Variants in CLMN observed in about 807,000 individuals in gnomAD.
The protein encoded by CLMN is calmin (calponin-like, transmembrane).
Under a neutral mutation model 92.7 loss-of-function variants are expected in CLMN, and 57 were observed. The ratio of observed to expected loss-of-function variants is 0.61; its 90% CI spans 0.50 to 0.77. CLMN has a LOEUF of 0.77. Ranked by LOEUF, CLMN falls within the 30% of genes least tolerant of loss-of-function variation. The pLI is 0.00. For missense variants in CLMN, 1,158 were observed against 1,237.5 expected (o/e 0.94, Z 0.96); for synonymous variants, 466 against 470.6 (o/e 0.99, Z 0.13).
At chr14:95,299,514 A>T (rs1374268223) in intron 1 of CLMN, among the ~76,000 whole-genome samples, 1 of 152,218 alleles carries the variant, frequency 6.6e-6, no homozygotes, top group Non-Finnish European at 1.5e-5. Context: ...CAGGAGGATG[A>T]GAGCAGGGCT....
At chr14:95,248,397 T>C (rs150863515) in intron 1 of CLMN, among the ~76,000 whole-genome samples, 571 of 152,318 alleles carry the variant, frequency 3.7e-3, no homozygotes, top group African/African-American at 0.013. Flanking sequence ...CTTGCAGCTG[T>C]GCTAACCAAG....
Position 95,259,743 on chromosome 14 carries a change from A to G in CLMN, c.83-29610T>C, listed in dbSNP as rs914830309. Among the ~76,000 whole-genome samples, 1 of 152,124 alleles carries G rather than the reference A, an allele frequency of 6.6e-6. No homozygotes were observed. The highest frequency in any genetic ancestry group is 2.4e-5 in the African/African-American group (1 of 41,418). On this transcript the variant is annotated intron_variant, in intron 1 of 12. Coordinates refer to ENST00000298912, the MANE Select transcript of CLMN (RefSeq NM_024734.4). This position sits in a 1 kb window ranked among gnomAD's most constrained non-coding sequence, Gnocchi z 4.3. ...CTGAGCACAAAAGTAATGACATGCA[A>G]ACTCAAAACCATGGCATGCATAACC...
intron 12 of CLMN, chr14:95,193,465 A>G (rs1427988045): frequency 1.1e-5 from 14 of 1,218,018 alleles, no homozygotes; most frequent in Non-Finnish European, 1.6e-5. Flanking sequence ...CAGCATTCAC[A>G]GGGGCCACAC....
rs548688636 is a variant in CLMN at position 95,187,929 on chromosome 14, C to T, written c.*3635G>A. The T allele has an allele frequency of 1.3e-5, 2 of 152,304 alleles. No individual in the cohort carries two copies. Among genetic ancestry groups the T allele is most frequent in the South Asian group, 4.1e-4 (2 of 4,826 alleles). 9.4% of individuals were successfully genotyped at this position (152,304 alleles called of 1,614,324 possible). A position where few individuals can be genotyped will look rare whatever the true frequency, so the allele number is the denominator to read the frequency against. On this transcript the variant is annotated 3_prime_UTR_variant, in exon 13 of 13. Coordinates refer to ENST00000298912, the MANE Select transcript of CLMN (RefSeq NM_024734.4). ...GCCAAGTGCTCATGGGGACTTCTGC[C>T]CAGATGGGACACCATTTTTGAAACC...
intron 1 of CLMN, among the ~76,000 whole-genome samples, chr14:95,314,507 G>T (rs1375739646): frequency 6.6e-6 from 1 of 152,020 alleles, no homozygotes; most frequent in Non-Finnish European, 1.5e-5. Flanking sequence ...CCTTCCCAGG[G>T]GTGGATTTGA....
intron 1 of CLMN, among the ~76,000 whole-genome samples, chr14:95,303,718 A>G (rs1471954491): frequency 6.6e-6 from 1 of 152,230 alleles, no homozygotes; most frequent in Non-Finnish European, 1.5e-5. Context: ...CAGACTTGGA[A>G]TCTCCAAAGC....
In CLMN at chr14:95,185,288, T is replaced by C. The variant is rs1296044122; in HGVS notation, c.*6276A>G. 1.3e-5 allele frequency: 2 copies of C among 152,168 alleles called. No individual in the cohort carries two copies. The highest frequency in any genetic ancestry group is 4.8e-5 in the African/African-American group (2 of 41,414). The allele number at this position is 152,168 out of a possible 1,614,324, so 9.4% of individuals were successfully genotyped here. ...TGCCTGATGAGAGCAAGGCGCAAGA[T>C]CTGTGGAGCTCAAGGGGATGCTTGT... On this transcript the variant is annotated 3_prime_UTR_variant, in exon 13 of 13. Coordinates refer to ENST00000298912, the MANE Select transcript of CLMN (RefSeq NM_024734.4).
chr14:95,251,839 T>C (rs776729565), intron 1 of CLMN, among the ~76,000 whole-genome samples: 2 of 152,178 alleles, frequency 1.3e-5, no homozygotes, highest in East Asian at 1.9e-4. Flanking sequence ...CTGAGACACA[T>C]TCCCTTCCTT....
intron 1 of CLMN, among the ~76,000 whole-genome samples, chr14:95,248,678 G>A (rs971679956): frequency 3.3e-5 from 5 of 152,122 alleles, no homozygotes; most frequent in African/African-American, 1.2e-4. Flanking sequence ...GCGTGCTTTT[G>A]GTGGTTATTT....
chr14:95,184,067 C>T lies in CLMN; in HGVS notation c.*7497G>A, dbSNP rs939099555. 6.6e-6 allele frequency: 1 copy of T among 152,112 alleles called. No individual in the cohort carries two copies. The highest frequency in any genetic ancestry group is 1.5e-5 in the Non-Finnish European group (1 of 68,002). 9.4% of individuals were successfully genotyped at this position (152,112 alleles called of 1,614,324 possible). The stretch of plus-strand genomic sequence containing the variant: ...GGGAAAGAGGTATAGTCAACGCTTG[C>T]TTCAAGAGGAAGGAAATAGAGAAAA... On this transcript the variant is annotated 3_prime_UTR_variant, in exon 13 of 13. Transcript: ENST00000298912.
At chr14:95,246,889 C>A (rs1898594368) in intron 1 of CLMN, among the ~76,000 whole-genome samples, 1 of 152,190 alleles carries the variant, frequency 6.6e-6, no homozygotes, top group African/African-American at 2.4e-5. Flanking sequence ...TTAGATCACT[C>A]ATTTCCCAGC....
At chr14:95,249,470 A>G (rs1898698014) in intron 1 of CLMN, among the ~76,000 whole-genome samples, 1 of 152,176 alleles carries the variant, frequency 6.6e-6, no homozygotes, top group African/African-American at 2.4e-5. Context: ...TGTATTGGAA[A>G]AGGGTATGTA....
rs1203592299 is a variant in CLMN, at chr14:95,221,733, C to T, written c.282G>A (p.Leu94=). ...ACTTAAGTGCTTTCGCTATGTTGTT[C>T]AACCGAAAAATACGATGCGACGAGG... The part of the protein sequence containing the change: ...YKSSSHRIFR[L]NNIAKALKFL... The change falls in exon 4 of 13, where the codon TTG becomes TTA. Residue 94 remains leucine, a synonymous_variant. Coordinates refer to ENST00000298912, the MANE Select transcript of CLMN (RefSeq NM_024734.4). 6.2e-7 allele frequency: 1 copy of T among 1,614,078 alleles called. No individual in the cohort carries two copies. Among genetic ancestry groups the T allele is most frequent in the Non-Finnish European group, 8.5e-7 (1 of 1,180,014 alleles).
At chr14:95,303,090 T>A (rs193145625) in intron 1 of CLMN, among the ~76,000 whole-genome samples, 8 of 152,352 alleles carry the variant, frequency 5.3e-5, no homozygotes, top group Non-Finnish European at 7.3e-5. Flanking sequence ...AAAGTCAGTA[T>A]CTGATAGAGG....
At chr14:95,273,177 C>A (rs1048252232) in intron 1 of CLMN, among the ~76,000 whole-genome samples, 2 of 152,176 alleles carry the variant, frequency 1.3e-5, no homozygotes, top group African/African-American at 4.8e-5. Context: ...ATGGAAAGGA[C>A]ATTCCAGAAA....
chr14:95,269,045 G>A (rs919839127), intron 1 of CLMN, among the ~76,000 whole-genome samples: 6 of 151,526 alleles, frequency 4.0e-5, no homozygotes, highest in African/African-American at 7.3e-5. Context: ...CTCGTGATCC[G>A]CCGCCTCAGC....
intron 1 of CLMN, among the ~76,000 whole-genome samples, chr14:95,285,226 T>C (rs138412495): frequency 6.6e-6 from 1 of 152,344 alleles, no homozygotes; most frequent in African/African-American, 2.4e-5. Flanking sequence ...TAAGTCCAAT[T>C]AAACTTCTTT....
intron 4 of CLMN, among the ~76,000 whole-genome samples, chr14:95,219,429 AGGGAGCAGGTGG>A (rs1897456393): frequency 6.6e-6 from 1 of 152,232 alleles, no homozygotes. Context: ...TGCCTGCTCC[AGGGAGCAGGTGG>A]GCATCAGACG....
Position 95,192,462 on chromosome 14 carries a change from G to A in CLMN, c.2841-730C>T, listed in dbSNP as rs1214240392. ...GGGCCTCTGCTTGGAGCTGCATGTA[G>A]AGAAGCCTGCAGTGTAAGCCTCTTA... On this transcript the variant is annotated intron_variant, in intron 12 of 12. Coordinates refer to ENST00000298912, the MANE Select transcript of CLMN (RefSeq NM_024734.4). 2.6e-5 allele frequency: 4 copies of A among 152,206 alleles called. No individual in the cohort carries two copies. In the East Asian group the frequency reaches 7.7e-4, roughly 29 times the overall value. The allele number at this position is 152,206 out of a possible 1,614,324, so 9.4% of individuals were successfully genotyped here.
Sources: allele counts gnomAD v4.1 joint callset (sites outside exome capture counted in the v4.1 genomes callset), GRCh38; gene constraint gnomAD v4.1.1; non-coding constraint Gnocchi (gnomAD v3.1); transcripts MANE v1.5; gene names NCBI Gene and HGNC (gene_info 2026-07-23, HGNC 2026-07-21).